The following RGPD2 variants were observed in gnomAD, a reference collection of about 807,000 sequenced individuals.
RGPD2 encodes RANBP2 like and GRIP domain containing 2, also known as RANBP2-like and GRIP domain-containing protein 2.
A neutral mutation model predicts 36.0 loss-of-function variants in RGPD2; 2 were observed. The ratio of observed to expected loss-of-function variants is 0.06; its 90% confidence interval spans 0.02 to 0.17. The LOEUF (loss-of-function observed/expected upper bound fraction) is 0.17. Among genes scored for constraint, RGPD2 ranks in the 10% least tolerant of loss-of-function variants. RGPD2 has a pLI of 1.00. For synonymous variants in RGPD2, 19 were observed against 163.8 expected (o/e 0.12, Z 6.75); for missense variants, 40 against 464.3 (o/e 0.09, Z 8.40).
At chr2:87,857,504 G>T in the RGPD2 span, among the ~76,000 whole-genome samples, 2 of 151,552 alleles carry the variant, frequency 1.3e-5, no homozygotes, top group Middle Eastern at 6.8e-3. Context: ...CTCCACGCCT[G>T]GCTAATTTTT....
At chr2:87,760,633 T>G (rs1209001059) in intron 22 of RGPD2, among the ~76,000 whole-genome samples, 5 of 16,846 alleles carry the variant, frequency 3.0e-4, no homozygotes, top group African/African-American at 9.7e-4. Flanking sequence ...TTTTTTTTTT[T>G]TTGAGACAGA....
intron 6 of RGPD2, among the ~76,000 whole-genome samples, chr2:87,809,955 G>A (rs1224801245): frequency 4.5e-3 from 313 of 69,138 alleles, no homozygotes; most frequent in African/African-American, 0.015. Flanking sequence ...CCGAGATTGC[G>A]CCACTCTACT....
At chr2:87,844,504 AG>A in the RGPD2 span, among the ~76,000 whole-genome samples, 1 of 148,550 alleles carries the variant, frequency 6.7e-6, no homozygotes, top group Non-Finnish European at 1.5e-5. Flanking sequence ...TATATATTTC[AG>A]TGATGATTCA....
At chr2:87,845,776 C>T in the RGPD2 span, among the ~76,000 whole-genome samples, 2 of 152,012 alleles carry the variant, frequency 1.3e-5, no homozygotes, top group African/African-American at 4.8e-5. Context: ...TTTAGTAATG[C>T]TTTATTACCT....
At chr2:87,848,962 G>A in the RGPD2 span, among the ~76,000 whole-genome samples, 1 of 150,596 alleles carries the variant, frequency 6.6e-6, no homozygotes, top group Non-Finnish European at 1.5e-5. Context: ...AGAGACCTAT[G>A]ACAAAGTAAC....
chr2:87,829,503 CA>C (rs565291092), upstream of RGPD2, among the ~76,000 whole-genome samples: 3 of 152,170 alleles, frequency 2.0e-5, no homozygotes, highest in East Asian at 1.9e-4. Flanking sequence ...TTTAAAAAAA[CA>C]AAAAAACAGA....
At chr2:87,825,510 G>A (rs867324925) in intron 1 of RGPD2, 148 bp downstream of exon 1, 2 of 295,256 alleles carry the variant, frequency 6.8e-6, no homozygotes, top group South Asian at 1.6e-4. Context: ...GGCCGAGGCC[G>A]AGGCCGCCGC....
the RGPD2 span, among the ~76,000 whole-genome samples, chr2:87,866,222 G>T: frequency 2.7e-5 from 4 of 148,598 alleles, no homozygotes; most frequent in Admixed American, 2.0e-4. Flanking sequence ...TGGAAAATTT[G>T]TTTTTTTTGT....
chr2:87,760,805 G>A (rs1684866257), intron 22 of RGPD2, among the ~76,000 whole-genome samples: 3 of 115,876 alleles, frequency 2.6e-5, no homozygotes, highest in Non-Finnish European at 3.6e-5. Flanking sequence ...TTTTAGTAGA[G>A]ACAGGGTTTC....
chr2:87,763,164 GTTTT>G (rs1257855032), intron 22 of RGPD2, among the ~76,000 whole-genome samples: 7 of 61,176 alleles, frequency 1.1e-4, no homozygotes, highest in Non-Finnish European at 1.2e-4. Flanking sequence ...TGCTAGTAGT[GTTTT>G]TTTTTCTGAG....
At chr2:87,914,289 G>A in the RGPD2 span, among the ~76,000 whole-genome samples, 1 of 100,314 alleles carries the variant, frequency 1.0e-5, no homozygotes, top group African/African-American at 4.0e-5. Context: ...CTATACAATT[G>A]TAAATTAATA....
chr2:87,860,275 C>G, the RGPD2 span, among the ~76,000 whole-genome samples: 1 of 151,874 alleles, frequency 6.6e-6, no homozygotes, highest in African/African-American at 2.4e-5. Context: ...CTGGCCACTT[C>G]CTGCTTCATA....
the RGPD2 span, among the ~76,000 whole-genome samples, chr2:87,906,730 C>T: frequency 4.6e-4 from 70 of 150,896 alleles, no homozygotes; most frequent in Admixed American, 8.6e-4. Flanking sequence ...ACCCTCTAAG[C>T]GGTATATTGT....
the RGPD2 span, among the ~76,000 whole-genome samples, chr2:87,881,978 G>C: frequency 2.6e-5 from 4 of 151,754 alleles, no homozygotes; most frequent in Non-Finnish European, 5.9e-5. Context: ...CATTTCACGT[G>C]GCAAGAACAA....
the RGPD2 span, among the ~76,000 whole-genome samples, chr2:87,882,897 GTGTAGCAACACTAC>G: frequency 6.6e-6 from 1 of 151,762 alleles, no homozygotes; most frequent in African/African-American, 2.4e-5. Flanking sequence ...AATTGTTAGT[GTGTAGCAACACTAC>G]TGATTTTTGT....
chr2:87,937,200 G>A, the RGPD2 span, among the ~76,000 whole-genome samples: 4 of 151,732 alleles, frequency 2.6e-5, no homozygotes, highest in African/African-American at 7.3e-5. Context: ...AGAAAAAGCC[G>A]GTAGAGTCAG....
the RGPD2 span, among the ~76,000 whole-genome samples, chr2:87,977,566 C>A: frequency 2.0e-5 from 3 of 149,880 alleles, no homozygotes; most frequent in African/African-American, 7.6e-5. Flanking sequence ...GTAATCCCAA[C>A]ACTCTGGGAG....
the RGPD2 span, among the ~76,000 whole-genome samples, chr2:87,974,808 T>G: frequency 1.3e-5 from 2 of 152,200 alleles, no homozygotes; most frequent in African/African-American, 4.8e-5. Context: ...AATCAAACCA[T>G]ATCCACAATC....
chr2:87,947,832 G>A, the RGPD2 span, among the ~76,000 whole-genome samples: 3 of 152,306 alleles, frequency 2.0e-5, no homozygotes, highest in Admixed American at 1.3e-4. Context: ...TTAATTGTCT[G>A]TGTTTCTCGC....
Sources: allele counts gnomAD v4.1 joint callset (sites outside exome capture counted in the v4.1 genomes callset), GRCh38; gene constraint gnomAD v4.1.1; transcripts MANE v1.5; gene names NCBI Gene and HGNC (gene_info 2026-07-23, HGNC 2026-07-21).